Variants in CCDC171 observed in about 807,000 individuals in gnomAD.
CCDC171 encodes coiled-coil domain containing 171, also known as coiled-coil domain-containing protein 171.
A neutral mutation model predicts 168.2 loss-of-function variants in CCDC171; 177 were observed. The ratio of observed to expected loss-of-function variants is 1.05; its 90% CI spans 0.93 to 1.19. The LOEUF (loss-of-function observed/expected upper bound fraction) is 1.19, where lower values mean the gene tolerates loss of function less well. Among genes scored for constraint, CCDC171 ranks in the 50% most tolerant of loss-of-function variants. The pLI, the probability that CCDC171 is intolerant of heterozygous loss-of-function variation, is 0.00. For synonymous variants in CCDC171, 687 were observed against 540.8 expected (o/e 1.27, Z -3.75); for missense variants, 1,991 against 1,539.0 (o/e 1.29, Z -4.91).
At chr9:15,570,323 A>T (rs539642501) in intron 2 of CCDC171, among the ~76,000 whole-genome samples, 1 of 150,434 alleles carries the variant, frequency 6.6e-6, no homozygotes, top group Non-Finnish European at 1.5e-5. Flanking sequence ...TTCATTTCCT[A>T]TTGCAGTCAT....
Position 15,929,910 on chromosome 9 carries a change from C to T in CCDC171, c.3753+9488C>T, listed in dbSNP as rs1826310189. ...CCATTGACATTCTGGCATATTCTGA[C>T]TCCTTCTGGTTTTTTTCACCATTGT... is the stretch of plus-strand genomic sequence containing the variant. On this transcript the variant is annotated intron_variant, in intron 25 of 25. Coordinates refer to ENST00000380701, the MANE Select transcript of CCDC171 (RefSeq NM_173550.4). Among the ~76,000 whole-genome samples the T allele has an allele frequency of 2.0e-5, 3 of 151,792 alleles. No individual in the cohort carries two copies. In the South Asian group the frequency reaches 6.2e-4, roughly 31 times the overall value.
intron 9 of CCDC171, among the ~76,000 whole-genome samples, chr9:15,675,757 G>T (rs1447475466): frequency 6.6e-6 from 1 of 152,106 alleles, no homozygotes; most frequent in African/African-American, 2.4e-5. Flanking sequence ...TAGTCTCATG[G>T]GCTTCCCTTG....
At chr9:15,648,994 A>G (rs2047280628) in intron 7 of CCDC171, among the ~76,000 whole-genome samples, 1 of 152,194 alleles carries the variant, frequency 6.6e-6, no homozygotes, top group South Asian at 2.1e-4. Context: ...CTGACTTCAA[A>G]CTATACTACA....
chr9:15,755,661 C>T (rs545897720), intron 18 of CCDC171, among the ~76,000 whole-genome samples: 14 of 151,922 alleles, frequency 9.2e-5, no homozygotes, highest in Non-Finnish European at 1.9e-4. Flanking sequence ...GTGAATGATC[C>T]CTGAAGACAT....
At chr9:16,062,190 AAAAC>A (rs1286765677), downstream of CCDC171, among the ~76,000 whole-genome samples, 3 of 152,172 alleles carry the variant, frequency 2.0e-5, no homozygotes, top group East Asian at 3.9e-4. Context: ...ACAAAAAAAC[AAAAC>A]AAACAAACAA....
At chr9:15,804,072 A>AT (rs1174531819) in intron 21 of CCDC171, among the ~76,000 whole-genome samples, 1 of 152,096 alleles carries the variant, frequency 6.6e-6, no homozygotes, top group African/African-American at 2.4e-5. Flanking sequence ...ATTTTTGCAC[A>AT]TTGATTTTGT....
At chr9:15,654,940 C>T (rs1177816689) in intron 7 of CCDC171, among the ~76,000 whole-genome samples, 2 of 152,042 alleles carry the variant, frequency 1.3e-5, no homozygotes, top group Admixed American at 6.6e-5. Flanking sequence ...GGACAAAAAA[C>T]CAAACACCGC....
At chr9:15,874,413 C>T in intron 23 of CCDC171, 119 bp from the exon 24 acceptor site, 3 of 742,506 alleles carry the variant, frequency 4.0e-6, no homozygotes, top group Non-Finnish European at 6.1e-6. Flanking sequence ...TAAATTTATT[C>T]ATGGATTTCA....
chr9:15,637,614 C>T (rs1052372594), intron 7 of CCDC171, among the ~76,000 whole-genome samples: 95 of 102,708 alleles, frequency 9.2e-4, no homozygotes, highest in South Asian at 4.3e-4. Context: ...TGCTATCCCT[C>T]CCCCCTCCCC....
chr9:15,554,023 C>CTT (rs143936791), intron 1 of CCDC171, among the ~76,000 whole-genome samples: 8,796 of 143,254 alleles, frequency 0.061, 371 homozygotes, highest in African/African-American at 0.11. Context: ...GATTTTGTCA[C>CTT]TTTTTTTTTT....
At chr9:15,579,985 G>T (rs2040983360) in intron 4 of CCDC171, among the ~76,000 whole-genome samples, 1 of 152,120 alleles carries the variant, frequency 6.6e-6, no homozygotes, top group South Asian at 2.1e-4. Flanking sequence ...TTTAGATTTA[G>T]GTCCTGGTTC....
At chr9:15,701,056 T>C (rs1166608228) in intron 11 of CCDC171, among the ~76,000 whole-genome samples, 1 of 152,240 alleles carries the variant, frequency 6.6e-6, no homozygotes, top group Non-Finnish European at 1.5e-5. Flanking sequence ...TGTCTACTTA[T>C]GTCCTTTGCG....
At chr9:15,565,686 G>GC (rs1411537425) in intron 2 of CCDC171, among the ~76,000 whole-genome samples, 1 of 152,178 alleles carries the variant, frequency 6.6e-6, no homozygotes, top group African/African-American at 2.4e-5. Flanking sequence ...GTAACACGTA[G>GC]CAGCCCTTCG....
intron 21 of CCDC171, among the ~76,000 whole-genome samples, chr9:15,818,084 G>A (rs143836618): frequency 8.5e-6 from 1 of 117,390 alleles, no homozygotes; most frequent in African/African-American, 3.2e-5. Flanking sequence ...AGGCAAACAG[G>A]GTCTGGAGTG....
At position 15,725,807 on chromosome 9, in the gene CCDC171, T is replaced by C. The variant is rs374167996; in HGVS notation, c.1692+831T>C. ...CTACTTTAAGAGATAGCCTCCTAACTCTGTATAATTATAGGATGTTAATAA... is the reference window on the plus strand; with the variant it reads ...CTACTTTAAGAGATAGCCTCCTAACCCTGTATAATTATAGGATGTTAATAA... On this transcript the variant is annotated intron_variant, in intron 14 of 25. Transcript: ENST00000380701. 1.2e-3 allele frequency among the ~76,000 whole-genome samples: 190 copies of C among 152,164 alleles called. 2 individuals are homozygous for C. Among genetic ancestry groups the C allele is most frequent in the African/African-American group, 4.5e-3 (187 of 41,514 alleles).
intron 11 of CCDC171, among the ~76,000 whole-genome samples, chr9:15,709,409 G>A (rs1296322921): frequency 6.6e-6 from 1 of 152,080 alleles, no homozygotes; most frequent in East Asian, 1.9e-4. Context: ...CAGATAAAAT[G>A]CAGAGGAAAA....
At chr9:15,900,357 G>A (rs1821458183) in intron 24 of CCDC171, among the ~76,000 whole-genome samples, 1 of 152,202 alleles carries the variant, frequency 6.6e-6, no homozygotes, top group Non-Finnish European at 1.5e-5. Flanking sequence ...GGGGCAGAGA[G>A]TGATCCTGGG....
chr9:15,907,124 A>G (rs1822785363), intron 24 of CCDC171, among the ~76,000 whole-genome samples: 3 of 152,180 alleles, frequency 2.0e-5, no homozygotes, highest in Middle Eastern at 3.2e-3. Context: ...TCAAGCTACC[A>G]ATGACTTTCT....
chr9:16,050,375 CA>C (rs1833731506), intron 1 of CCDC171, among the ~76,000 whole-genome samples: 1 of 152,180 alleles, frequency 6.6e-6, no homozygotes, highest in South Asian at 2.1e-4. Context: ...CATATACTTT[CA>C]AAATTTGTAG....
Sources: allele counts gnomAD v4.1 joint callset (sites outside exome capture counted in the v4.1 genomes callset), GRCh38; gene constraint gnomAD v4.1.1; transcripts MANE v1.5; gene names NCBI Gene and HGNC (gene_info 2026-07-23, HGNC 2026-07-21).